The following GABRA5 variants were observed in gnomAD, a reference collection of about 807,000 sequenced individuals.
GABRA5 encodes the protein gamma-aminobutyric acid receptor subunit alpha-5.
In GABRA5, 18 loss-of-function variants were observed where a neutral mutation model predicts 47.3. That is an observed-to-expected ratio of 0.38 (90% CI 0.26 to 0.56). GABRA5 has a LOEUF of 0.56. Among genes scored for constraint, GABRA5 ranks in the 20% least tolerant of loss-of-function variants. The probability of loss-of-function intolerance (pLI) is 0.71; values close to 1 mark genes in which losing one functional copy is unlikely to be tolerated. For synonymous variants in GABRA5, 237 were observed against 229.3 expected, an observed-to-expected ratio of 1.03 and a Z score of -0.30; for missense variants, 365 against 599.3, an observed-to-expected ratio of 0.61 and a Z score of 4.08.
chr15:26,899,918 C>A (rs1893286836), intron 6 of GABRA5, among the ~76,000 whole-genome samples: 2 of 151,966 alleles, frequency 1.3e-5, no homozygotes, highest in African/African-American at 4.8e-5. Context: ...GACTTTCTAC[C>A]TTTTTTCTAT....
intron 7 of GABRA5, among the ~76,000 whole-genome samples, chr15:26,930,008 T>TCTTCTTC (rs1226351843): frequency 2.5e-5 from 1 of 40,130 alleles, no homozygotes; most frequent in African/African-American, 8.2e-5. Flanking sequence ...TTCTTCTTCT[T>TCTTCTTC]TTTTTTTTTT....
intron 6 of GABRA5, among the ~76,000 whole-genome samples, chr15:26,896,375 C>T (rs1444020331): frequency 6.6e-6 from 1 of 152,204 alleles, no homozygotes; most frequent in African/African-American, 2.4e-5. Context: ...TCCTCATGGT[C>T]TGTGTCAGTC....
At chr15:26,916,739 A>C (rs981407390) in intron 7 of GABRA5, among the ~76,000 whole-genome samples, 1 of 151,936 alleles carries the variant, frequency 6.6e-6, no homozygotes, top group Non-Finnish European at 1.5e-5. Flanking sequence ...GTTTTCTTTA[A>C]TTTATTTCAT....
Position 26,883,217 on chromosome 15 carries a change from T to G in GABRA5, c.260T>G (p.Val87Gly). The G allele has an allele frequency of 6.2e-7, 1 of 1,613,902 alleles. No individual in the cohort carries two copies. The highest frequency in any genetic ancestry group is 8.5e-7 in the Non-Finnish European group (1 of 1,179,834). Residue 87 changes from valine (V) to glycine (G), a missense_variant, in exon 5 of 11, where the codon GTG becomes GGG. Val to Gly is a moderately radical substitution (Grantham distance 109). Coordinates refer to ENST00000335625, the MANE Select transcript of GABRA5 (RefSeq NM_000810.4). The surrounding 1 kb of genome is among the most constrained non-coding windows in gnomAD (Gnocchi z 4.8). ...ATCTACGTCACCAGCTTCGGCCCGG[T>G]GTCCGACACGGAAATGGTAGGTCCC... is the stretch of plus-strand genomic sequence containing the variant. ...TDIYVTSFGPVSDTEMEYTID... is the reference protein window; with the variant it reads ...TDIYVTSFGPGSDTEMEYTID...
chr15:26,867,170 G>C lies in GABRA5; in HGVS notation c.-140+59G>C, dbSNP rs969157761. 1 of 148,836 alleles carries C rather than the reference G, an allele frequency of 6.7e-6. No individual in the cohort carries two copies. The highest frequency in any genetic ancestry group is 2.4e-5 in the African/African-American group (1 of 40,918). The allele number at this position is 148,836 out of a possible 1,614,324, so 9.2% of individuals were successfully genotyped here. ...GGGGGCTCTGCGGCGGGCGGCGCGC[G>C]GCCCGGGGCGCGGCGCGGAGCGGAG... On this transcript the variant is annotated intron_variant, in intron 1 of 10. Coordinates refer to ENST00000335625, the MANE Select transcript of GABRA5 (RefSeq NM_000810.4). The surrounding 1 kb of genome is among the most constrained non-coding windows in gnomAD (Gnocchi z 5.9).
chr15:26,878,270 C>A (rs942013434), intron 3 of GABRA5, among the ~76,000 whole-genome samples: 1 of 152,222 alleles, frequency 6.6e-6, no homozygotes, highest in African/African-American at 2.4e-5. Context: ...TCTTAAAGAT[C>A]ATACAGCTTG....
intron 7 of GABRA5, among the ~76,000 whole-genome samples, chr15:26,927,294 A>G (rs922240086): frequency 9.4e-5 from 12 of 128,034 alleles, no homozygotes; most frequent in African/African-American, 3.5e-4. Context: ...TTGTATTTTT[A>G]GTAGAGTTGG....
At chr15:26,910,632 A>C (rs1893559389) in intron 6 of GABRA5, among the ~76,000 whole-genome samples, 1 of 152,014 alleles carries the variant, frequency 6.6e-6, no homozygotes, top group Non-Finnish European at 1.5e-5. Flanking sequence ...CCTTATCCTA[A>C]AATCAAGATG....
At chr15:26,878,082 G>A (rs780650787) in intron 3 of GABRA5, among the ~76,000 whole-genome samples, 3 of 152,186 alleles carry the variant, frequency 2.0e-5, no homozygotes, top group Admixed American at 6.5e-5. Context: ...CGGAGTGAGC[G>A]CTTTATGGGC....
At chr15:26,874,419 A>G (rs1892544736) in intron 3 of GABRA5, among the ~76,000 whole-genome samples, 1 of 152,140 alleles carries the variant, frequency 6.6e-6, no homozygotes. Context: ...AAGTTTTACC[A>G]TCTGAAAGTG....
chr15:26,893,403 T>C, intron 6 of GABRA5, among the ~76,000 whole-genome samples: 1 of 143,886 alleles, frequency 6.9e-6, no homozygotes, highest in South Asian at 2.5e-4. Context: ...GTGTATGGTG[T>C]GTTGTGTGTG....
chr15:26,938,201 GT>G (rs1322130863), intron 8 of GABRA5, among the ~76,000 whole-genome samples: 1 of 152,226 alleles, frequency 6.6e-6, no homozygotes, highest in African/African-American at 2.4e-5. Flanking sequence ...TCAGCACCCT[GT>G]TGACCCATGG....
intron 6 of GABRA5, among the ~76,000 whole-genome samples, chr15:26,889,647 T>C (rs1000201059): frequency 3.6e-4 from 55 of 152,332 alleles, no homozygotes; most frequent in African/African-American, 1.3e-3. Context: ...TAGCTATACA[T>C]TGTCAAGTTC....
At position 26,891,398 on chromosome 15, in the gene GABRA5, A is replaced by AATT. The variant is rs1416892667; in HGVS notation, c.497+7843_497+7845dup. ...AAACAGGTAAAAATGATCACATGGC[A>AATT]ATTAGCCCATCGATAATGTCCAAGT... On this transcript the variant is annotated intron_variant, in intron 6 of 10. Coordinates refer to ENST00000335625, the MANE Select transcript of GABRA5 (RefSeq NM_000810.4). 2.0e-5 allele frequency among the ~76,000 whole-genome samples: 3 copies of AATT among 152,334 alleles called. No homozygotes were observed. The East Asian group carries it at 5.8e-4, about 29-fold the overall frequency.
At chr15:26,913,921 C>T (rs1377005313) in intron 6 of GABRA5, among the ~76,000 whole-genome samples, 1 of 152,156 alleles carries the variant, frequency 6.6e-6, no homozygotes, top group Non-Finnish European at 1.5e-5. Flanking sequence ...CACCACTGAG[C>T]AGCTCTGCAT....
chr15:26,899,774 A>G (rs1893282998), intron 6 of GABRA5, among the ~76,000 whole-genome samples: 1 of 151,920 alleles, frequency 6.6e-6, no homozygotes, highest in Non-Finnish European at 1.5e-5. Context: ...TGACTTTTTT[A>G]TGGTTTTGGA....
chr15:26,941,855 C>G (rs1894392995), intron 9 of GABRA5, among the ~76,000 whole-genome samples: 1 of 152,220 alleles, frequency 6.6e-6, no homozygotes, highest in South Asian at 2.1e-4. Flanking sequence ...AGGCATCAGT[C>G]ATAGCAGATG....
intron 3 of GABRA5, among the ~76,000 whole-genome samples, chr15:26,880,220 T>C (rs1218621105): frequency 6.6e-6 from 1 of 152,218 alleles, no homozygotes; most frequent in East Asian, 1.9e-4. Context: ...TGAGGGCTTA[T>C]TGTGTGACGC....
chr15:26,900,526 A>C (rs1893302452), intron 6 of GABRA5, among the ~76,000 whole-genome samples: 1 of 152,092 alleles, frequency 6.6e-6, no homozygotes, highest in Non-Finnish European at 1.5e-5. Flanking sequence ...GTTTTTAAAG[A>C]ATGTATTTTT....
Sources: allele counts gnomAD v4.1 joint callset (sites outside exome capture counted in the v4.1 genomes callset), GRCh38; gene constraint gnomAD v4.1.1; non-coding constraint Gnocchi (gnomAD v3.1); transcripts MANE v1.5; gene names NCBI Gene and HGNC (gene_info 2026-07-23, HGNC 2026-07-21).